The following PRDM10 variants were observed in gnomAD, a reference collection of about 807,000 sequenced individuals.
PRDM10 encodes PR domain zinc finger protein 10.
Under a neutral mutation model 133.1 loss-of-function variants are expected in PRDM10, and 65 were observed. The observed-to-expected ratio is 0.49, with a 90% CI of 0.40 to 0.60. The LOEUF (loss-of-function observed/expected upper bound fraction) is 0.60, where lower values mean the gene tolerates loss of function less well. PRDM10 is among the 20% of genes least tolerant of loss of function. PRDM10 has a pLI of 0.00. For missense variants in PRDM10, 1,137 were observed against 1,507.1 expected, an observed-to-expected ratio of 0.75 and a Z score of 4.07; for synonymous variants, 582 against 580.4, an observed-to-expected ratio of 1.00 and a Z score of -0.04.
Position 129,945,047 on chromosome 11 carries a change from A to G in PRDM10, c.521-35T>C, listed in dbSNP as rs1304763935. On this transcript the variant is annotated intron_variant, in intron 5 of 20. Transcript: ENST00000360871. This position sits in a 1 kb window ranked among gnomAD's most constrained non-coding sequence, Gnocchi z 4.2. ...AGAGACAGTCTTGAAGAAAAGTCCA[A>G]TTCCTCAGTGTGACTTGATGTGAGG... 4.4e-6 allele frequency: 7 copies of G among 1,604,700 alleles called. 1 individual carries two copies. The highest frequency in any genetic ancestry group is 5.9e-6 in the Non-Finnish European group (7 of 1,177,766).
chr11:129,944,705 G>C, intron 6 of PRDM10, 66 bp downstream of exon 6: 1 of 1,573,938 alleles, frequency 6.4e-7, no homozygotes, highest in Non-Finnish European at 8.6e-7. Context: ...AGACTGAGTA[G>C]ACAACGCAGT....
At chr11:129,912,902 A>G (rs1950234452) in intron 17 of PRDM10, among the ~76,000 whole-genome samples, 1 of 151,864 alleles carries the variant, frequency 6.6e-6, no homozygotes, top group South Asian at 2.1e-4. Context: ...TCCACTAAAA[A>G]TACAAAAATT....
At chr11:129,983,655 G>T (rs1938245463) in intron 1 of PRDM10, among the ~76,000 whole-genome samples, 1 of 152,140 alleles carries the variant, frequency 6.6e-6, no homozygotes, top group African/African-American at 2.4e-5. Context: ...CTCCTAGTGA[G>T]GTAATTTTTC....
At chr11:129,917,272 G>A in intron 14 of PRDM10, 35 bp from the exon 15 acceptor site, 2 of 1,507,688 alleles carry the variant, frequency 1.3e-6, no homozygotes, top group South Asian at 2.3e-5. Context: ...GAGAAAAAGA[G>A]ACCCCATTAA....
At chr11:129,966,978 A>T (rs539796424) in intron 1 of PRDM10, among the ~76,000 whole-genome samples, 2 of 152,338 alleles carry the variant, frequency 1.3e-5, no homozygotes, top group South Asian at 4.1e-4. Context: ...TAGTCAATCT[A>T]TTTCTCTTTA....
At position 129,944,879 on chromosome 11, in the gene PRDM10, C is replaced by G. The variant is rs747242180; in HGVS notation, c.654G>C (p.Leu218=). ...TGCGCCGCTTGGAGAACACCCCGCC[C>G]AGAAACCTGTCTATGTAGAGCACCA... ...LPLVLYIDRF[L]GGVFSKRRIP... The change falls in exon 6 of 21, where the codon CTG becomes CTC. Residue 218 remains leucine, a synonymous_variant. Coordinates refer to ENST00000360871, the MANE Select transcript of PRDM10 (RefSeq NM_199437.2). 1 of 1,614,172 alleles carries G rather than the reference C, an allele frequency of 6.2e-7. No individual in the cohort carries two copies. Among genetic ancestry groups the G allele is most frequent in the South Asian group, 1.1e-5 (1 of 91,082 alleles).
intron 1 of PRDM10, among the ~76,000 whole-genome samples, chr11:130,002,457 C>T (rs977449178): frequency 4.1e-4 from 62 of 152,046 alleles, no homozygotes; most frequent in Non-Finnish European, 7.4e-4. Flanking sequence ...GATGGTTTGA[C>T]CCCCCACCCC....
At chr11:129,987,597 A>G (rs1365169271) in intron 1 of PRDM10, among the ~76,000 whole-genome samples, 1 of 152,248 alleles carries the variant, frequency 6.6e-6, no homozygotes, top group Non-Finnish European at 1.5e-5. Flanking sequence ...GAATGCTCAC[A>G]GTGGCATTAT....
intron 3 of PRDM10, among the ~76,000 whole-genome samples, chr11:129,956,202 C>T (rs1951693473): frequency 6.6e-6 from 1 of 152,138 alleles, no homozygotes; most frequent in Non-Finnish European, 1.5e-5. Flanking sequence ...TTCTTCGAAA[C>T]TACTGTAGCC....
At chr11:129,974,804 C>T (rs1937664478) in intron 1 of PRDM10, among the ~76,000 whole-genome samples, 1 of 152,232 alleles carries the variant, frequency 6.6e-6, no homozygotes, top group Admixed American at 6.5e-5. Flanking sequence ...GGTCAACAAA[C>T]TGTGGTCTGT....
intron 1 of PRDM10, among the ~76,000 whole-genome samples, chr11:129,990,522 C>CAAAAAAAAAAAAAAAAAAAAAAAAAAAA (rs59217112): frequency 1.5e-5 from 1 of 67,084 alleles, no homozygotes. Context: ...ACTTTGTCTC[C>CAAAAAAAAAAAAAAAAAAAAAAAAAAAA]AAAAAAAAAA....
At chr11:129,957,475 G>A (rs901008993) in intron 3 of PRDM10, among the ~76,000 whole-genome samples, 2 of 152,098 alleles carry the variant, frequency 1.3e-5, no homozygotes, top group African/African-American at 4.8e-5. Context: ...CCACCACCAC[G>A]CCCAGCTACT....
chr11:129,981,337 A>T (rs1938101003), intron 1 of PRDM10, among the ~76,000 whole-genome samples: 2 of 152,088 alleles, frequency 1.3e-5, no homozygotes, highest in South Asian at 4.1e-4. Flanking sequence ...ACCCCAACCC[A>T]TTCCCTAGAT....
intron 19 of PRDM10, among the ~76,000 whole-genome samples, chr11:129,906,989 G>GA (rs71057987): frequency 0.55 from 77,032 of 139,486 alleles, 20,715 homozygotes; most frequent in African/African-American, 0.67. Context: ...AAAAGAAAAA[G>GA]AAAAAAAAAA....
chr11:129,919,694 A>G (rs1950464447), intron 13 of PRDM10, among the ~76,000 whole-genome samples: 1 of 152,210 alleles, frequency 6.6e-6, no homozygotes, highest in African/African-American at 2.4e-5. Flanking sequence ...ATAAATTGTT[A>G]TTAGTCCCAT....
chr11:129,910,513 C>T lies in PRDM10; in HGVS notation c.3126G>A (p.Thr1042=), dbSNP rs150299493. The part of the protein sequence containing the change: ...QQQQNSSVQH[T]YLPSAWNSFR... ...AGGAATTCCAAGCACTGGGCAGGTA[C>T]GTGTGCTGCACAGAGGAATTCTGCT... The change falls in exon 19 of 21, where the codon ACG becomes ACA. Residue 1042 remains threonine (T), a synonymous_variant. Transcript: ENST00000360871. 82 of 1,613,998 alleles carry T rather than the reference C, an allele frequency of 5.1e-5. No homozygotes were observed. In the African/African-American group the frequency reaches 7.3e-4, roughly 14 times the overall value.
rs755905204 is a variant in PRDM10, at chr11:129,902,290, G to A, written c.*23C>T. 2 of 1,611,854 alleles carry A rather than the reference G, an allele frequency of 1.2e-6. No homozygotes were observed. Among genetic ancestry groups the A allele is most frequent in the Admixed American group, 1.7e-5 (1 of 59,952 alleles). ...TGAGAACAGACATGAGGTGGGTGCTGGATTCAAGCTCCAGGGTGGAAGTCA... is the reference window on the plus strand; with the variant it reads ...TGAGAACAGACATGAGGTGGGTGCTAGATTCAAGCTCCAGGGTGGAAGTCA... On this transcript the variant is annotated 3_prime_UTR_variant, in exon 21 of 21. Coordinates refer to ENST00000360871, the MANE Select transcript of PRDM10 (RefSeq NM_199437.2).
In PRDM10 at chr11:129,979,310, C is replaced by G. The variant is rs566650834; in HGVS notation, c.-118-18228G>C. 6.6e-4 allele frequency among the ~76,000 whole-genome samples: 100 copies of G among 152,220 alleles called. 1 individual carries two copies. The highest frequency in any genetic ancestry group is 1.9e-4 in the East Asian group (1 of 5,176). On this transcript the variant is annotated intron_variant, in intron 1 of 20. Transcript: ENST00000360871. Reference sequence around the variant, plus strand: ...GCTCTCAGAGGAAATGCCTCTGGCTCGAGGAGCAGAACTCCACTAACACCC... The same window carrying G: ...GCTCTCAGAGGAAATGCCTCTGGCTGGAGGAGCAGAACTCCACTAACACCC...
In PRDM10 at chr11:129,905,881, G is replaced by A. The variant is rs58594097; in HGVS notation, c.3164-140C>T. 7,984 of 729,946 alleles carry A rather than the reference G, an allele frequency of 0.011. 450 individuals carry two copies. The African/African-American group carries it at 0.12, about 11-fold the overall frequency. The allele number at this position is 729,946 out of a possible 1,614,324, so 45.2% of individuals were successfully genotyped here. A position where few individuals can be genotyped will look rare whatever the true frequency, so the allele number is the denominator to read the frequency against. On this transcript the variant is annotated intron_variant, in intron 19 of 20. Coordinates refer to ENST00000360871, the MANE Select transcript of PRDM10 (RefSeq NM_199437.2). ...CACAATGATGTGATTTCTTGGTGCC[G>A]TGAAAGCATCTCTGCTACGAATTGA...
Sources: gnomAD v4.1 joint callset for allele counts (sites outside exome capture counted in the v4.1 genomes callset) on GRCh38, gnomAD v4.1.1 for gene constraint, Gnocchi (gnomAD v3.1) non-coding constraint, MANE v1.5 for transcripts, NCBI Gene and HGNC (gene_info 2026-07-23, HGNC 2026-07-21) for gene names.